The following UGT1A9 variants were observed in gnomAD, a reference collection of about 807,000 sequenced individuals.
UGT1A9 encodes the protein UDP glucuronosyltransferase family 1 member A9, also known as UDP-glucuronosyltransferase 1A9.
Under a neutral mutation model 45.0 loss-of-function variants are expected in UGT1A9, and 35 were observed. The ratio of observed to expected loss-of-function variants is 0.78; its 90% CI spans 0.59 to 1.03. The LOEUF is 1.03. Among genes scored for constraint, UGT1A9 ranks in the 50% least tolerant of loss-of-function variants. UGT1A9 has a pLI of 0.00. For missense variants in UGT1A9, 687 were observed against 666.6 expected (o/e 1.03, Z -0.34); for synonymous variants, 278 against 250.6 (o/e 1.11, Z -1.03).
intron 1 of UGT1A9, chr2:233,754,945 G>A (rs1342760083): frequency 7.5e-7 from 1 of 1,327,414 alleles, no homozygotes; most frequent in Admixed American, 1.9e-5. Flanking sequence ...AAGGAGAATG[G>A]GTCCCGGCCG....
At position 233,769,394 on chromosome 2, in the gene UGT1A9, T is replaced by C; in HGVS notation, c.1295+955T>C. On this transcript the variant is annotated intron_variant, in intron 4 of 4. Transcript: ENST00000354728. The surrounding 1 kb of genome is among the most constrained non-coding windows in gnomAD (Gnocchi z 4.4). The stretch of plus-strand genomic sequence containing the variant: ...ATTTCATCCGACAATAGATACTGTG[T>C]GCATATGTGCGTGTGCGTTTGTGCA... 1 of 1,112,930 alleles carries C rather than the reference T, an allele frequency of 9.0e-7. No homozygotes were observed. Among genetic ancestry groups the C allele is most frequent in the South Asian group, 1.4e-5 (1 of 69,644 alleles). 68.9% of individuals were successfully genotyped at this position (1,112,930 alleles called of 1,614,324 possible).
Position 233,769,174 on chromosome 2 carries a change from G to T in UGT1A9, c.1295+735G>T, listed in dbSNP as rs1699806573. ...ACCTGTGAGAAATTTTGTCCATGGA[G>T]TTTATGAATGAAGGAGCTATAAGAT... On this transcript the variant is annotated intron_variant, in intron 4 of 4. Coordinates refer to ENST00000354728, the MANE Select transcript of UGT1A9 (RefSeq NM_021027.3). This position sits in a 1 kb window ranked among gnomAD's most constrained non-coding sequence, Gnocchi z 4.4. Among the ~76,000 whole-genome samples, 1 of 152,206 alleles carries T rather than the reference G, an allele frequency of 6.6e-6. No individual in the cohort carries two copies. Among genetic ancestry groups the T allele is most frequent in the Non-Finnish European group, 1.5e-5 (1 of 68,044 alleles).
chr2:233,690,825 C>G, intron 1 of UGT1A9: 1 of 1,064,826 alleles, frequency 9.4e-7, no homozygotes, highest in Non-Finnish European at 1.1e-6. Context: ...TCAAAGCTCA[C>G]AGGAGAAAGA....
chr2:233,760,246 A>G lies in UGT1A9; in HGVS notation c.856-6788A>G. 2.5e-6 allele frequency: 4 copies of G among 1,608,942 alleles called. No individual in the cohort carries two copies. In the South Asian group the frequency reaches 3.3e-5, roughly 13 times the overall value. On this transcript the variant is annotated intron_variant, in intron 1 of 4. Coordinates refer to ENST00000354728, the MANE Select transcript of UGT1A9 (RefSeq NM_021027.3). ...ATTGGTTTTTGCCATATATATATAT[A>G]TAAGTAGGAGAGGGCGAACCTCTGG...
intron 1 of UGT1A9, chr2:233,756,091 C>T (rs1221587010): frequency 6.6e-6 from 1 of 152,178 alleles, no homozygotes; most frequent in Non-Finnish European, 1.5e-5. Flanking sequence ...AATCAAGTAA[C>T]ATTATTACGG....
At chr2:233,756,964 A>G (rs1482766015) in intron 1 of UGT1A9, among the ~76,000 whole-genome samples, 2 of 152,056 alleles carry the variant, frequency 1.3e-5, no homozygotes, top group African/African-American at 4.8e-5. Context: ...GGCACTTGGT[A>G]AGCACGCAAT....
chr2:233,724,310 G>C (rs1212736933), intron 1 of UGT1A9, among the ~76,000 whole-genome samples: 1 of 141,058 alleles, frequency 7.1e-6, no homozygotes, highest in African/African-American at 2.6e-5. Context: ...CCTCCCTCCC[G>C]GACGGGGCGG....
At position 233,772,539 on chromosome 2, in the gene UGT1A9, C is replaced by T; in HGVS notation, c.1573C>T (p.His525Tyr). 1.9e-6 allele frequency: 3 copies of T among 1,614,040 alleles called. No homozygotes were observed. The East Asian group carries it at 6.7e-5, about 36-fold the overall frequency. The change falls in exon 5 of 5, where the codon CAC becomes TAC. Residue 525 changes from histidine to tyrosine, a missense_variant. His to Tyr is a moderately conservative substitution (Grantham distance 83). Transcript: ENST00000354728. Reference protein sequence around the residue: ...LGKKGRVKKAHKSKTH With the variant: ...LGKKGRVKKAYKSKTH ...GAAAAAAGGGCGAGTTAAGAAAGCC[C>T]ACAAATCCAAGACCCATTGAGAAGT...
intron 1 of UGT1A9, among the ~76,000 whole-genome samples, chr2:233,734,931 C>A (rs921627257): frequency 5.3e-5 from 8 of 152,162 alleles, no homozygotes; most frequent in African/African-American, 1.7e-4. Context: ...GCTTTACTTA[C>A]AATCATATGG....
At chr2:233,756,672 A>T (rs1246322346) in intron 1 of UGT1A9, among the ~76,000 whole-genome samples, 1 of 152,212 alleles carries the variant, frequency 6.6e-6, no homozygotes, top group Non-Finnish European at 1.5e-5. Context: ...TATTTCCGCT[A>T]GAACTGCTAT....
At chr2:233,757,247 G>C (rs1244146616) in intron 1 of UGT1A9, among the ~76,000 whole-genome samples, 2 of 143,632 alleles carry the variant, frequency 1.4e-5, no homozygotes. Flanking sequence ...GGTGAGGTGG[G>C]GTTATTCAGG....
intron 1 of UGT1A9, chr2:233,718,743 A>C: frequency 6.2e-7 from 1 of 1,612,082 alleles, no homozygotes; most frequent in Admixed American, 1.7e-5. Context: ...CTCAATGACA[A>C]GGTAATTAAG....
rs529215357 is a variant in UGT1A9, at chr2:233,707,210, CT to C, written c.855+34425del. On this transcript the variant is annotated intron_variant, in intron 1 of 4. Coordinates refer to ENST00000354728, the MANE Select transcript of UGT1A9 (RefSeq NM_021027.3). ...GCCCTCCGTTCTATTCCCTTTCCAT[CT>C]TTTCTCTGACTTTTGTGATGATTAT... Among the ~76,000 whole-genome samples, 182 of 152,268 alleles carry C rather than the reference CT, an allele frequency of 1.2e-3. 1 individual carries two copies. The highest frequency in any genetic ancestry group is 4.3e-3 in the African/African-American group (179 of 41,568).
rs1350513061 is a variant in UGT1A9 at position 233,674,678 on chromosome 2, T to C, written c.855+1889T>C. On this transcript the variant is annotated intron_variant, in intron 1 of 4. Coordinates refer to ENST00000354728, the MANE Select transcript of UGT1A9 (RefSeq NM_021027.3). ...ATGAGATATGAAATAAATGTGTTTA[T>C]GTGTCTATTAAAGAATATGGATGTA... is the stretch of plus-strand genomic sequence containing the variant. 3.9e-5 allele frequency among the ~76,000 whole-genome samples: 6 copies of C among 152,228 alleles called. No individual in the cohort carries two copies. The East Asian group carries it at 9.6e-4, about 24-fold the overall frequency.
intron 1 of UGT1A9, among the ~76,000 whole-genome samples, chr2:233,724,462 A>G (rs2077262271): frequency 8.2e-6 from 1 of 121,344 alleles, no homozygotes; most frequent in Admixed American, 8.0e-5. Flanking sequence ...TGCCGGGCGG[A>G]GGGGCTCCTC....
At chr2:233,737,333 A>G (rs1343218207) in intron 1 of UGT1A9, among the ~76,000 whole-genome samples, 1 of 152,246 alleles carries the variant, frequency 6.6e-6, no homozygotes, top group Non-Finnish European at 1.5e-5. Context: ...AGCAGTGAGC[A>G]AGGCTCCGTG....
intron 2 of UGT1A9, 69 bp from the exon 3 acceptor site, chr2:233,767,780 G>C: frequency 1.2e-6 from 2 of 1,613,138 alleles, no homozygotes; most frequent in Non-Finnish European, 1.7e-6. Flanking sequence ...TTTCTAGTTA[G>C]TATAGCAGAT....
At chr2:233,740,309 G>A (rs1460267947) in intron 1 of UGT1A9, among the ~76,000 whole-genome samples, 2 of 151,928 alleles carry the variant, frequency 1.3e-5, no homozygotes, top group African/African-American at 4.9e-5. Context: ...CTGAGAAAAG[G>A]AAATGAATCT....
Position 233,769,884 on chromosome 2 carries a change from C to T in UGT1A9, c.1295+1445C>T, listed in dbSNP as rs1466829536. On this transcript the variant is annotated intron_variant, in intron 4 of 4. Transcript: ENST00000354728. The surrounding 1 kb of genome is among the most constrained non-coding windows in gnomAD (Gnocchi z 4.4). The stretch of plus-strand genomic sequence containing the variant: ...AAAAAAAAAAAAAAAATGAAAAGTC[C>T]ACATAACCTGAGCATCATGTGCCCA... 5.0e-6 allele frequency: 2 copies of T among 403,872 alleles called. No individual in the cohort carries two copies. Among genetic ancestry groups the T allele is most frequent in the Non-Finnish European group, 8.7e-6 (2 of 230,852 alleles). 25.0% of individuals were successfully genotyped at this position (403,872 alleles called of 1,614,324 possible).
Sources: gnomAD v4.1 joint callset for allele counts (sites outside exome capture counted in the v4.1 genomes callset) on GRCh38, gnomAD v4.1.1 for gene constraint, Gnocchi (gnomAD v3.1) non-coding constraint, MANE v1.5 for transcripts, NCBI Gene and HGNC (gene_info 2026-07-23, HGNC 2026-07-21) for gene names.